The following KIAA2012 variants were observed in gnomAD, a reference collection of about 807,000 sequenced individuals.
KIAA2012 encodes the protein KIAA2012, also known as uncharacterized protein KIAA2012.
In KIAA2012, 125 loss-of-function variants were observed where a neutral mutation model predicts 150.6. That is an observed-to-expected ratio of 0.83 (90% CI 0.72 to 0.96). The LOEUF (loss-of-function observed/expected upper bound fraction) is 0.96. Ranked by LOEUF, KIAA2012 falls within the 40% of genes least tolerant of loss-of-function variation. The probability of loss-of-function intolerance (pLI) is 0.00; values close to 1 mark genes in which losing one functional copy is unlikely to be tolerated. For missense variants in KIAA2012, 1,219 were observed against 1,354.9 expected, an observed-to-expected ratio of 0.90 and a Z score of 1.57; for synonymous variants, 462 against 504.7, an observed-to-expected ratio of 0.92 and a Z score of 1.13.
At chr2:202,111,405 G>A (rs1390573260) in intron 10 of KIAA2012, among the ~76,000 whole-genome samples, 1 of 149,420 alleles carries the variant, frequency 6.7e-6, no homozygotes, top group Non-Finnish European at 1.5e-5. Flanking sequence ...AGCTACTCAG[G>A]AGGCTGAGGC....
intron 12 of KIAA2012, among the ~76,000 whole-genome samples, chr2:202,134,401 G>A (rs1344206530): frequency 6.6e-6 from 1 of 152,168 alleles, no homozygotes; most frequent in Admixed American, 6.5e-5. Context: ...ACCCTGACAT[G>A]TATCTAGGAA....
At position 202,132,495 on chromosome 2, in the gene KIAA2012, C is replaced by T. The variant is rs113128891; in HGVS notation, c.1832-5937C>T. Among the ~76,000 whole-genome samples the T allele has an allele frequency of 2.3e-3, 355 of 151,494 alleles. 1 individual carries two copies. The highest frequency in any genetic ancestry group is 4.3e-3 in the Admixed American group (65 of 15,188). On this transcript the variant is annotated intron_variant, in intron 12 of 23. Transcript: ENST00000498697. ...CAGCCTGGCCAACATGGCAAAACCC[C>T]GTCTCTACTGAAAATACAAAAATTA...
At chr2:202,083,202 A>C (rs1689488942) in intron 2 of KIAA2012, among the ~76,000 whole-genome samples, 1 of 152,240 alleles carries the variant, frequency 6.6e-6, no homozygotes, top group Non-Finnish European at 1.5e-5. Flanking sequence ...ACATATGCTC[A>C]CCAAAGATAG....
chr2:202,170,606 A>C (rs1691866826), intron 15 of KIAA2012, among the ~76,000 whole-genome samples: 1 of 152,264 alleles, frequency 6.6e-6, no homozygotes. Context: ...ATATGTGTGC[A>C]GACAGCTCCA....
intron 23 of KIAA2012, among the ~76,000 whole-genome samples, chr2:202,203,532 A>G (rs1692571448): frequency 6.6e-6 from 1 of 152,190 alleles, no homozygotes; most frequent in African/African-American, 2.4e-5. Flanking sequence ...AAACTTGTTA[A>G]AACATTCTTC....
At chr2:202,132,750 A>ATATATGTG (rs1229009521) in intron 12 of KIAA2012, among the ~76,000 whole-genome samples, 1 of 103,060 alleles carries the variant, frequency 9.7e-6, no homozygotes, top group African/African-American at 3.7e-5. Flanking sequence ...TATATATAGT[A>ATATATGTG]TATATGTATA....
At chr2:202,091,496 A>G (rs1190109436) in intron 3 of KIAA2012, among the ~76,000 whole-genome samples, 1 of 152,108 alleles carries the variant, frequency 6.6e-6, no homozygotes, top group East Asian at 1.9e-4. Context: ...TGCGATGGAC[A>G]CCCTTCTGAT....
intron 2 of KIAA2012, among the ~76,000 whole-genome samples, chr2:202,078,851 G>C (rs1689381998): frequency 6.6e-6 from 1 of 152,144 alleles, no homozygotes; most frequent in Non-Finnish European, 1.5e-5. Context: ...CAGAATGTGA[G>C]ACTAGGCCAC....
chr2:202,140,089 A>G (rs950072842), intron 13 of KIAA2012, among the ~76,000 whole-genome samples: 2 of 152,078 alleles, frequency 1.3e-5, no homozygotes, highest in East Asian at 1.9e-4. Context: ...TTAGCTGGGC[A>G]TGGTGGCGCA....
chr2:202,133,128 A>ATG (rs1202818706), intron 12 of KIAA2012, among the ~76,000 whole-genome samples: 26 of 76,668 alleles, frequency 3.4e-4, no homozygotes, highest in African/African-American at 1.4e-3. Flanking sequence ...ATATATATAT[A>ATG]TATTTTTTTT....
At chr2:202,168,349 G>A (rs1691815775) in intron 15 of KIAA2012, among the ~76,000 whole-genome samples, 1 of 150,936 alleles carries the variant, frequency 6.6e-6, no homozygotes, top group Non-Finnish European at 1.5e-5. Context: ...AACCCGGGAG[G>A]CGGAGGTTGC....
intron 12 of KIAA2012, among the ~76,000 whole-genome samples, chr2:202,130,718 AC>A (rs1360417904): frequency 2.6e-5 from 4 of 152,110 alleles, no homozygotes; most frequent in Non-Finnish European, 5.9e-5. Flanking sequence ...GGAGTTCGAG[AC>A]CAGGTTGGCT....
At chr2:202,113,707 A>T (rs900670390) in intron 11 of KIAA2012, 2 of 435,196 alleles carry the variant, frequency 4.6e-6, no homozygotes, top group African/African-American at 4.0e-5. Flanking sequence ...CTAATGTGCC[A>T]CGCTGATGCC....
intron 2 of KIAA2012, among the ~76,000 whole-genome samples, chr2:202,077,401 A>G (rs1689349248): frequency 2.6e-5 from 4 of 152,218 alleles, no homozygotes; most frequent in Admixed American, 2.6e-4. Flanking sequence ...TTTATAAAGT[A>G]GATAAGTCAG....
At chr2:202,185,457 G>A (rs1325862052) in intron 16 of KIAA2012, among the ~76,000 whole-genome samples, 1 of 152,148 alleles carries the variant, frequency 6.6e-6, no homozygotes, top group Non-Finnish European at 1.5e-5. Context: ...GGGATGTAAG[G>A]ATTCCCTCCT....
At chr2:202,081,548 T>C (rs1689452201) in intron 2 of KIAA2012, among the ~76,000 whole-genome samples, 1 of 149,260 alleles carries the variant, frequency 6.7e-6, no homozygotes, top group Non-Finnish European at 1.5e-5. Context: ...AAACACTTTT[T>C]TTTTTTTTTT....
chr2:202,190,222 G>A lies in KIAA2012; in HGVS notation c.2540G>A (p.Arg847Lys), dbSNP rs1182880048. 3 of 1,521,344 alleles carry A rather than the reference G, an allele frequency of 2.0e-6. 1 individual carries two copies. The highest frequency in any genetic ancestry group is 2.4e-5 in the Admixed American group (1 of 41,532). The allele number at this position is 1,521,344 out of a possible 1,614,324, so 94.2% of individuals were successfully genotyped here. Residue 847 changes from arginine to lysine, a missense_variant, in exon 19 of 24, where the codon AGA becomes AAA. Arg to Lys is a conservative substitution (Grantham distance 26). Transcript: ENST00000498697. ...AAAAAAAAATTAGAAAAAAAAACAA[G>A]ACCCCAAAGGAAAAGGACACAGAAG... ...KAKKKLEKKT[R>K]PQRKRTQKER...
intron 10 of KIAA2012, among the ~76,000 whole-genome samples, chr2:202,111,841 G>T (rs1000580106): frequency 1.3e-5 from 2 of 152,148 alleles, no homozygotes; most frequent in Admixed American, 1.3e-4. Flanking sequence ...ATATGTGTGT[G>T]TGCCCCTGTG....
At chr2:202,132,700 A>ATATATATG (rs368452260) in intron 12 of KIAA2012, among the ~76,000 whole-genome samples, 5 of 99,264 alleles carry the variant, frequency 5.0e-5, no homozygotes, top group Non-Finnish European at 7.8e-5. Flanking sequence ...ATGTATGTAT[A>ATATATATG]TATATATGTA....
Sources: allele counts gnomAD v4.1 joint callset (sites outside exome capture counted in the v4.1 genomes callset), GRCh38; gene constraint gnomAD v4.1.1; transcripts MANE v1.5; gene names NCBI Gene and HGNC (gene_info 2026-07-23, HGNC 2026-07-21).